Variants in MLXIPL observed in about 807,000 individuals in gnomAD.
MLXIPL encodes the protein carbohydrate-responsive element-binding protein.
In MLXIPL, 49 loss-of-function variants were observed where a neutral mutation model predicts 81.5. The ratio of observed to expected loss-of-function variants is 0.60; its 90% confidence interval spans 0.48 to 0.76. The LOEUF (loss-of-function observed/expected upper bound fraction) is 0.76, where lower values mean the gene tolerates loss of function less well. Ranked by LOEUF, MLXIPL falls within the 30% of genes least tolerant of loss-of-function variation. The probability of loss-of-function intolerance (pLI) is 0.00; values close to 1 mark genes in which losing one functional copy is unlikely to be tolerated. For synonymous variants in MLXIPL, 466 were observed against 485.5 expected, an observed-to-expected ratio of 0.96 and a Z score of 0.53; for missense variants, 1,053 against 1,167.0, an observed-to-expected ratio of 0.90 and a Z score of 1.42.
At chr7:73,612,323 C>T (rs1253940712) in intron 2 of MLXIPL, among the ~76,000 whole-genome samples, 3 of 151,126 alleles carry the variant, frequency 2.0e-5, no homozygotes, top group Non-Finnish European at 4.4e-5. Flanking sequence ...GAAGTGAGAC[C>T]CTGTCTCAAA....
At chr7:73,631,011 C>CT in the MLXIPL span, among the ~76,000 whole-genome samples, 1,366 of 144,154 alleles carry the variant, frequency 9.5e-3, 19 homozygotes, top group East Asian at 0.041. Flanking sequence ...CTAGGGAATA[C>CT]TTTTTTTTTT....
chr7:73,626,152 C>T (rs1354783008), upstream of MLXIPL, among the ~76,000 whole-genome samples: 1 of 151,716 alleles, frequency 6.6e-6, no homozygotes, highest in Admixed American at 6.6e-5. Context: ...TACAAGTGCC[C>T]GCCACCATGC....
At chr7:73,613,473 C>T (rs951583610) in intron 2 of MLXIPL, among the ~76,000 whole-genome samples, 1 of 152,054 alleles carries the variant, frequency 6.6e-6, no homozygotes, top group African/African-American at 2.4e-5. Context: ...GTGGCATGCG[C>T]CTGTAGTCCC....
At chr7:73,639,136 C>T in the MLXIPL span, among the ~76,000 whole-genome samples, 1 of 152,128 alleles carries the variant, frequency 6.6e-6, no homozygotes, top group Non-Finnish European at 1.5e-5. Context: ...GAAACTTCCC[C>T]TTCTGTACCA....
intron 1 of MLXIPL, among the ~76,000 whole-genome samples, chr7:73,618,133 G>A (rs1165163213): frequency 6.6e-6 from 1 of 152,170 alleles, no homozygotes; most frequent in Non-Finnish European, 1.5e-5. Flanking sequence ...GCCTCATTCT[G>A]CCACCCAGGT....
intron 2 of MLXIPL, among the ~76,000 whole-genome samples, chr7:73,613,825 C>A (rs1795843231): frequency 6.6e-6 from 1 of 152,158 alleles, no homozygotes. Flanking sequence ...TGACATCATG[C>A]CTCAGCTGCC....
In MLXIPL at chr7:73,599,046, C is replaced by T. The variant is rs569400252; in HGVS notation, c.1071+480G>A. Among the ~76,000 whole-genome samples, 14 of 148,296 alleles carry T rather than the reference C, an allele frequency of 9.4e-5. No individual in the cohort carries two copies. In the East Asian group the frequency reaches 2.8e-3, roughly 30 times the overall value. Reference sequence around the variant, plus strand: ...TCATGCCACTGCACTCGAGCCTAGGCGACAGAGTGAGACTCTGTCTCAAAG... The same window carrying T: ...TCATGCCACTGCACTCGAGCCTAGGTGACAGAGTGAGACTCTGTCTCAAAG... On this transcript the variant is annotated intron_variant, in intron 8 of 16. Coordinates refer to ENST00000313375, the MANE Select transcript of MLXIPL (RefSeq NM_032951.3).
chr7:73,593,467 G>A lies in MLXIPL; in HGVS notation c.*398C>T, dbSNP rs1488147397. The stretch of plus-strand genomic sequence containing the variant: ...CCCCACCTGTCGGGGAGCAAGTGGA[G>A]GTGACAGAGAAACAGCATCCTCCTC... On this transcript the variant is annotated 3_prime_UTR_variant, in exon 17 of 17. Transcript: ENST00000313375. 9 of 300,972 alleles carry A rather than the reference G, an allele frequency of 3.0e-5. No homozygotes were observed. Among genetic ancestry groups the A allele is most frequent in the Non-Finnish European group, 5.9e-5 (9 of 151,628 alleles). The allele number at this position is 300,972 out of a possible 1,614,324, so 18.6% of individuals were successfully genotyped here. A position where few individuals can be genotyped will look rare whatever the true frequency, so the allele number is the denominator to read the frequency against.
At position 73,597,663 on chromosome 7, in the gene MLXIPL, A is replaced by G; in HGVS notation, c.1122T>C (p.Ser374=). The G allele has an allele frequency of 7.2e-7, 1 of 1,383,334 alleles. No individual in the cohort carries two copies. The highest frequency in any genetic ancestry group is 9.3e-7 in the Non-Finnish European group (1 of 1,072,734). The allele number at this position is 1,383,334 out of a possible 1,614,324, so 85.7% of individuals were successfully genotyped here. The change falls in exon 9 of 17, where the codon TCT becomes TCC. Residue 374 remains serine, a synonymous_variant. Coordinates refer to ENST00000313375, the MANE Select transcript of MLXIPL (RefSeq NM_032951.3). The stretch of plus-strand genomic sequence containing the variant: ...TGGGGTCTTCAGGAAGGAGGAAATC[A>G]GAACTCAGGAAGGCGCTGGAGTCCA... ...GPLDSSAFLS[S]DFLLPEDPKP...
the MLXIPL span, among the ~76,000 whole-genome samples, chr7:73,644,812 G>A: frequency 5.7e-4 from 86 of 152,192 alleles, 2 homozygotes; most frequent in Non-Finnish European, 7.3e-5. Context: ...ACAGTCATCT[G>A]CTCTGCCCAG....
At chr7:73,602,676 T>C (rs1794977450) in intron 7 of MLXIPL, among the ~76,000 whole-genome samples, 1 of 151,968 alleles carries the variant, frequency 6.6e-6, no homozygotes, top group South Asian at 2.1e-4. Context: ...CAAGATTCCA[T>C]CTCAAAAAAA....
Position 73,616,121 on chromosome 7 carries a change from C to T in MLXIPL, c.350G>A (p.Arg117Lys), listed in dbSNP as rs1795995513. The change falls in exon 2 of 17, where the codon AGA becomes AAA. Residue 117 changes from arginine (R) to lysine (K), a missense_variant. Around this residue, in one of 3 missense-constraint regions of MLXIPL, gnomAD observed 226 missense variants for 216.2 expected, o/e 1.05. Transcript: ENST00000313375. ...GGCGTTGTTCAGGCGGATCTTGTCT[C>T]TGCAGAGCAGCTTGAGGCCTTTGAA... Reference protein sequence around the residue: ...KNFKGLKLLCRDKIRLNNAIW... With the variant: ...KNFKGLKLLCKDKIRLNNAIW... The T allele has an allele frequency of 1.2e-6, 2 of 1,614,096 alleles. No homozygotes were observed. The highest frequency in any genetic ancestry group is 1.7e-6 in the Non-Finnish European group (2 of 1,180,036).
chr7:73,606,927 G>C, intron 5 of MLXIPL, 47 bp downstream of exon 5: 1 of 1,600,674 alleles, frequency 6.2e-7, no homozygotes, highest in Non-Finnish European at 8.5e-7. Context: ...CCATCTACTT[G>C]GGGGGCAAAG....
At chr7:73,601,310 G>A (rs557223095) in intron 7 of MLXIPL, among the ~76,000 whole-genome samples, 1 of 151,740 alleles carries the variant, frequency 6.6e-6, no homozygotes, top group Non-Finnish European at 1.5e-5. Context: ...CCATCCTCCT[G>A]CCTCAGCCTC....
intron 2 of MLXIPL, 131 bp downstream of exon 2, chr7:73,615,940 G>A (rs991619465): frequency 1.5e-6 from 1 of 666,226 alleles, no homozygotes; most frequent in African/African-American, 1.8e-5. Context: ...AAAAAGGTTG[G>A]CAGAACTCTG....
At chr7:73,640,808 A>C in the MLXIPL span, among the ~76,000 whole-genome samples, 1 of 151,488 alleles carries the variant, frequency 6.6e-6, no homozygotes, top group African/African-American at 2.4e-5. Flanking sequence ...GAAAAAAAAG[A>C]ACAGATGATG....
rs149935648 is a variant in MLXIPL, at chr7:73,593,934, G to T, written c.2490C>A (p.Thr830=). The T allele has an allele frequency of 9.9e-6, 16 of 1,614,106 alleles. No homozygotes were observed. Among genetic ancestry groups the T allele is most frequent in the South Asian group, 7.7e-5 (7 of 91,082 alleles). ...RQLGTSTSIL[T]DPGRIPEQAT... Reference sequence around the variant, plus strand: ...CTTGCTCAGGGATGCGGCCCGGGTCGGTCAGGATACTGGTAGATGTGCCCA... The same window carrying T: ...CTTGCTCAGGGATGCGGCCCGGGTCTGTCAGGATACTGGTAGATGTGCCCA... Residue 830 remains threonine, a synonymous_variant, in exon 17 of 17, where the codon ACC becomes ACA. Coordinates refer to ENST00000313375, the MANE Select transcript of MLXIPL (RefSeq NM_032951.3).
In MLXIPL at chr7:73,606,046, C is replaced by G; in HGVS notation, c.684G>C (p.Val228=). Reference sequence around the variant, plus strand: ...GCTCCTCCTCTGGGTCCCCCAGCAGCACGGGGACCACACTGGAGAAGAGCT... The same window carrying G: ...GCTCCTCCTCTGGGTCCCCCAGCAGGACGGGGACCACACTGGAGAAGAGCT... The part of the protein sequence containing the change: ...CKQLFSSVVP[V]LLGDPEEEPG... The change falls in exon 6 of 17, where the codon GTG becomes GTC. Residue 228 remains valine (V), a synonymous_variant. Coordinates refer to ENST00000313375, the MANE Select transcript of MLXIPL (RefSeq NM_032951.3). The G allele has an allele frequency of 2.5e-6, 4 of 1,590,606 alleles. No individual in the cohort carries two copies. Among genetic ancestry groups the G allele is most frequent in the Non-Finnish European group, 3.4e-6 (4 of 1,168,516 alleles).
chr7:73,602,074 GCCTGCCTGCCTGCCTGCCTGCCTT>G (rs1794877857), intron 7 of MLXIPL, among the ~76,000 whole-genome samples: 3 of 103,322 alleles, frequency 2.9e-5, no homozygotes, highest in Non-Finnish European at 4.7e-5. Flanking sequence ...CTGTCCACCT[GCCTGCCTGCCTGCCTGCCTGCCTT>G]CCTGCCTGCC....
Sources: gnomAD v4.1 joint callset for allele counts (sites outside exome capture counted in the v4.1 genomes callset) on GRCh38, gnomAD v4.1.1 for gene constraint, gnomAD v4.1.1 regional missense constraint, MANE v1.5 for transcripts, NCBI Gene and HGNC (gene_info 2026-07-23, HGNC 2026-07-21) for gene names.